Variants in SPATA9 observed in about 807,000 individuals in gnomAD.
SPATA9 encodes spermatogenesis associated 9.
SPATA9 carries 27 observed loss-of-function variants against 25.5 expected under a neutral mutation model. The observed-to-expected ratio is 1.06, with a 90% CI of 0.78 to 1.46. SPATA9 has a LOEUF of 1.46. Among genes scored for constraint, SPATA9 ranks in the 40% most tolerant of loss-of-function variants. The pLI is 0.00. For missense variants in SPATA9, 282 were observed against 297.5 expected (o/e 0.95, Z 0.38); for synonymous variants, 102 against 105.7 (o/e 0.97, Z 0.21).
chr5:95,723,726 T>G, the SPATA9 span, among the ~76,000 whole-genome samples: 1 of 152,168 alleles, frequency 6.6e-6, no homozygotes, highest in African/African-American at 2.4e-5. Context: ...CTCCTTTACT[T>G]CCTGTCTCGC....
At chr5:95,664,585 CA>C (rs1751576939) in intron 3 of SPATA9, among the ~76,000 whole-genome samples, 1 of 152,168 alleles carries the variant, frequency 6.6e-6, no homozygotes, top group African/African-American at 2.4e-5. Flanking sequence ...AGAAGTTTAA[CA>C]CCAATAATGA....
the SPATA9 span, among the ~76,000 whole-genome samples, chr5:95,717,918 A>C: frequency 1.3e-5 from 2 of 152,222 alleles, no homozygotes; most frequent in African/African-American, 4.8e-5. Flanking sequence ...TAAACTATAC[A>C]TTTATGTTTT....
intron 3 of SPATA9, among the ~76,000 whole-genome samples, chr5:95,671,784 A>G (rs994017217): frequency 3.3e-5 from 5 of 152,172 alleles, no homozygotes; most frequent in African/African-American, 1.2e-4. Flanking sequence ...AACTTGGAAG[A>G]TATTAAGAAG....
chr5:95,705,887 C>A, the SPATA9 span, among the ~76,000 whole-genome samples: 1 of 152,126 alleles, frequency 6.6e-6, no homozygotes, highest in African/African-American at 2.4e-5. Flanking sequence ...ACTCAGAAAC[C>A]TTCCCAGATT....
the SPATA9 span, among the ~76,000 whole-genome samples, chr5:95,730,046 C>G: frequency 6.6e-6 from 1 of 150,626 alleles, no homozygotes; most frequent in South Asian, 2.1e-4. Flanking sequence ...TCTAGAGACT[C>G]AAAGAGAAAT....
chr5:95,721,693 TAAAAAA>T, the SPATA9 span, among the ~76,000 whole-genome samples: 1 of 132,204 alleles, frequency 7.6e-6, no homozygotes, highest in Non-Finnish European at 1.6e-5. Flanking sequence ...CTGAGAGCAT[TAAAAAA>T]AAAAAAAAAG....
At chr5:95,654,411 T>G, downstream of SPATA9, 1 of 1,268,752 alleles carries the variant, frequency 7.9e-7, no homozygotes, top group South Asian at 1.3e-5. Context: ...AGCAAATAAA[T>G]ATATTCAAAA....
At chr5:95,659,059 A>G (rs895194911) in intron 4 of SPATA9, 146 bp from the exon 5 acceptor site, 9 of 992,980 alleles carry the variant, frequency 9.1e-6, no homozygotes, top group South Asian at 7.6e-5. Context: ...CTTCAGGTAC[A>G]TAATATAATA....
intron 3 of SPATA9, among the ~76,000 whole-genome samples, chr5:95,672,264 T>C (rs958927906): frequency 2.6e-5 from 4 of 152,142 alleles, no homozygotes; most frequent in Non-Finnish European, 5.9e-5. Context: ...CTGGTCTCCA[T>C]GTGGGACTCC....
At chr5:95,697,038 C>A (rs1006306736) in intron 1 of SPATA9, among the ~76,000 whole-genome samples, 1 of 152,260 alleles carries the variant, frequency 6.6e-6, no homozygotes, top group African/African-American at 2.4e-5. Context: ...AATATTGGTT[C>A]TCTCAATATC....
At chr5:95,655,984 T>C (rs1750730972), downstream of SPATA9, 9 of 1,513,022 alleles carry the variant, frequency 5.9e-6, no homozygotes, top group South Asian at 9.7e-5. Flanking sequence ...CAGCAGACTC[T>C]TCAGAGTCTA....
the SPATA9 span, among the ~76,000 whole-genome samples, chr5:95,730,121 C>T: frequency 6.6e-6 from 1 of 151,982 alleles, no homozygotes; most frequent in African/African-American, 2.4e-5. Context: ...GAATATCTCC[C>T]ATTATATCCT....
At chr5:95,692,365 T>C (rs1017360674) in intron 1 of SPATA9, among the ~76,000 whole-genome samples, 2 of 152,170 alleles carry the variant, frequency 1.3e-5, no homozygotes, top group Admixed American at 1.3e-4. Flanking sequence ...AATTTTCACA[T>C]GTGGCAATTT....
Position 95,670,719 on chromosome 5 carries a change from G to A in SPATA9, c.378+4693C>T, listed in dbSNP as rs535138957. 7 of 349,996 alleles carry A rather than the reference G, an allele frequency of 2.0e-5. No homozygotes were observed. In the East Asian group the frequency reaches 6.7e-4, roughly 33 times the overall value. The allele number at this position is 349,996 out of a possible 1,614,324, so 21.7% of individuals were successfully genotyped here. On this transcript the variant is annotated intron_variant, in intron 3 of 4. Coordinates refer to ENST00000274432, the MANE Select transcript of SPATA9 (RefSeq NM_031952.4). ...GGGTAAGCTGAACTCTGTCTGATGCGGCTTCTCATACTACTGTACTTTGCT... is the reference window on the plus strand; with the variant it reads ...GGGTAAGCTGAACTCTGTCTGATGCAGCTTCTCATACTACTGTACTTTGCT...
chr5:95,687,939 G>A (rs570776741), upstream of SPATA9, among the ~76,000 whole-genome samples: 1 of 152,264 alleles, frequency 6.6e-6, no homozygotes, highest in Non-Finnish European at 1.5e-5. Context: ...AGAATGCAGA[G>A]AAAATGGAAC....
At chr5:95,721,560 C>T in the SPATA9 span, among the ~76,000 whole-genome samples, 1 of 151,806 alleles carries the variant, frequency 6.6e-6, no homozygotes, top group Non-Finnish European at 1.5e-5. Flanking sequence ...GTAATGATTA[C>T]ACAAATGCAT....
At chr5:95,725,822 T>G in the SPATA9 span, among the ~76,000 whole-genome samples, 25 of 151,942 alleles carry the variant, frequency 1.6e-4, no homozygotes, top group Middle Eastern at 3.4e-3. Context: ...TTTTTTTTTT[T>G]GAATGTTTAG....
upstream of SPATA9, among the ~76,000 whole-genome samples, chr5:95,686,765 T>TGG (rs1753758173): frequency 6.6e-6 from 1 of 152,128 alleles, no homozygotes; most frequent in Non-Finnish European, 1.5e-5. Flanking sequence ...TAGCAATGCC[T>TGG]TAATAATCAG....
chr5:95,653,199 C>A (rs746017640), exon 9 of SPATA9: 2 of 1,551,670 alleles, frequency 1.3e-6, no homozygotes, highest in South Asian at 2.4e-5. Context: ...ATCTCAGTGA[C>A]CAGTTTTTAT....
Sources: gnomAD v4.1 joint callset for allele counts (sites outside exome capture counted in the v4.1 genomes callset) on GRCh38, gnomAD v4.1.1 for gene constraint, MANE v1.5 for transcripts, NCBI Gene and HGNC (gene_info 2026-07-23, HGNC 2026-07-21) for gene names.